DHRSX: variants seen among roughly 807,000 people sequenced by gnomAD.
DHRSX encodes the protein dehydrogenase/reductase X-linked.
DHRSX carries 31 observed loss-of-function variants against 34.0 expected under a neutral mutation model. The ratio of observed to expected loss-of-function variants is 0.91; its 90% CI spans 0.69 to 1.23. The LOEUF is 1.23. Ranked by LOEUF, DHRSX falls within the 50% of genes most tolerant of loss-of-function variation. The probability of loss-of-function intolerance (pLI) is 0.00; values close to 1 mark genes in which losing one functional copy is unlikely to be tolerated. For missense variants in DHRSX, 414 were observed against 428.1 expected, an observed-to-expected ratio of 0.97 and a Z score of 0.29; for synonymous variants, 201 against 183.8, an observed-to-expected ratio of 1.09 and a Z score of -0.76.
At chrX:2,245,614 G>A (rs959358612) in intron 5 of DHRSX, among the ~76,000 whole-genome samples, 2 of 148,414 alleles carry the variant, frequency 1.3e-5, no homozygotes, top group Admixed American at 6.8e-5. Flanking sequence ...CCACCCCAAC[G>A]TAGCTCTTAC....
intron 6 of DHRSX, among the ~76,000 whole-genome samples, chrX:2,231,967 CCTT>C (rs201415311): frequency 0.81 from 120,267 of 148,376 alleles, 49,030 homozygotes; most frequent in East Asian, 0.95. Context: ...TTCTTTCTGC[CCTT>C]CTTTCCTTTT....
At chrX:2,408,889 AGGTTT>A in intron 2 of DHRSX, 76 bp from the exon 3 acceptor site, 2 of 1,103,040 alleles carry the variant, frequency 1.8e-6, no homozygotes, top group Non-Finnish European at 1.3e-6. Flanking sequence ...AAAAAAAAAG[AGGTTT>A]TAAGAGAAGT....
chrX:2,250,571 C>T (rs150545660), intron 5 of DHRSX, among the ~76,000 whole-genome samples: 2 of 152,046 alleles, frequency 1.3e-5, no homozygotes, highest in African/African-American at 4.8e-5. Context: ...TAAACCGTCT[C>T]TTATCAGCTA....
intron 1 of DHRSX, among the ~76,000 whole-genome samples, chrX:2,446,445 G>C (rs181412011): frequency 6.9e-6 from 1 of 145,858 alleles, no homozygotes; most frequent in Non-Finnish European, 1.5e-5. Context: ...GACGACAGCT[G>C]TGTACACACT....
At chrX:2,255,776 A>C (rs867425860) in intron 5 of DHRSX, among the ~76,000 whole-genome samples, 1 of 151,468 alleles carries the variant, frequency 6.6e-6, no homozygotes, top group African/African-American at 2.4e-5. Context: ...TTAGGTGGGC[A>C]TGGTGGCGGT....
intron 3 of DHRSX, among the ~76,000 whole-genome samples, chrX:2,357,158 C>A (rs780042608): frequency 3.7e-4 from 57 of 152,124 alleles, no homozygotes; most frequent in African/African-American, 1.3e-3. Context: ...GCAGGAGAAT[C>A]GCTTGAACCC....
At chrX:2,322,968 G>A (rs1185934948) in intron 3 of DHRSX, among the ~76,000 whole-genome samples, 1 of 151,494 alleles carries the variant, frequency 6.6e-6, no homozygotes, top group East Asian at 2.0e-4. Context: ...CTGTCGCCCA[G>A]GCTGGAGTGC....
intron 3 of DHRSX, among the ~76,000 whole-genome samples, chrX:2,314,595 A>G (rs1162744422): frequency 1.3e-5 from 2 of 151,544 alleles, no homozygotes; most frequent in East Asian, 1.9e-4. Flanking sequence ...ATGGCAAGGA[A>G]ATATATTTTG....
intron 2 of DHRSX, among the ~76,000 whole-genome samples, chrX:2,409,577 C>A (rs2043600701): frequency 6.6e-6 from 1 of 152,122 alleles, no homozygotes; most frequent in Non-Finnish European, 1.5e-5. Flanking sequence ...ATTTCTTACT[C>A]CTCTCACTGC....
At chrX:2,400,265 G>A (rs182826426) in intron 3 of DHRSX, among the ~76,000 whole-genome samples, 140 of 152,298 alleles carry the variant, frequency 9.2e-4, no homozygotes, top group Non-Finnish European at 1.7e-3. Context: ...ACCCAGGGGT[G>A]TGGGGAGAAT....
At chrX:2,327,716 A>ACCTT (rs1159005813) in intron 3 of DHRSX, among the ~76,000 whole-genome samples, 3 of 152,142 alleles carry the variant, frequency 2.0e-5, no homozygotes, top group South Asian at 2.1e-4. Context: ...GATAGTCTTT[A>ACCTT]AAGAGGTGAT....
intron 6 of DHRSX, among the ~76,000 whole-genome samples, chrX:2,239,351 T>C (rs2016086885): frequency 6.7e-6 from 1 of 149,916 alleles, no homozygotes; most frequent in Non-Finnish European, 1.5e-5. Flanking sequence ...AGTGATTGTG[T>C]CATAATTCCA....
intron 3 of DHRSX, among the ~76,000 whole-genome samples, chrX:2,305,126 C>T (rs1274298914): frequency 3.3e-5 from 5 of 151,942 alleles, no homozygotes; most frequent in African/African-American, 1.2e-4. Context: ...ACACTGTACA[C>T]TCTCACTCAT....
intron 5 of DHRSX, among the ~76,000 whole-genome samples, chrX:2,253,385 T>C (rs1409321320): frequency 8.3e-6 from 1 of 120,368 alleles, no homozygotes; most frequent in Non-Finnish European, 2.1e-5. Flanking sequence ...TGAGCCAAGA[T>C]GGCGCCACGG....
chrX:2,389,016 A>G (rs2043304319), intron 3 of DHRSX, among the ~76,000 whole-genome samples: 1 of 152,176 alleles, frequency 6.6e-6, no homozygotes, highest in Non-Finnish European at 1.5e-5. Flanking sequence ...TGTAGCCTCT[A>G]CAGCTGTGAG....
At chrX:2,346,923 GT>G (rs2042725837) in intron 3 of DHRSX, among the ~76,000 whole-genome samples, 1 of 152,018 alleles carries the variant, frequency 6.6e-6, no homozygotes, top group Non-Finnish European at 1.5e-5. Flanking sequence ...CCTTGTGATA[GT>G]TTGCTGAGAA....
chrX:2,444,284 C>G (rs1479914037), intron 1 of DHRSX, among the ~76,000 whole-genome samples: 4 of 152,174 alleles, frequency 2.6e-5, no homozygotes, highest in African/African-American at 9.7e-5. Flanking sequence ...GCACACACCC[C>G]TTAAGATATG....
rs770851095 is a variant in DHRSX at position 2,307,927 on chromosome X, G to A, written c.287-16324C>T. Among the ~76,000 whole-genome samples, 6 of 152,154 alleles carry A rather than the reference G, an allele frequency of 3.9e-5. No homozygotes were observed. The East Asian group carries it at 1.2e-3, about 29-fold the overall frequency. ...GGAGCTCAGTGGCTGCGTTCACCTG[G>A]AACCTAACCCATGTAGGAGCTGCGT... is the stretch of plus-strand genomic sequence containing the variant. On this transcript the variant is annotated intron_variant, in intron 3 of 6. Coordinates refer to ENST00000334651, the MANE Select transcript of DHRSX (RefSeq NM_145177.3).
chrX:2,315,383 G>C lies in DHRSX; in HGVS notation c.287-23780C>G, dbSNP rs1459462970. Among the ~76,000 whole-genome samples, 4 of 152,096 alleles carry C rather than the reference G, an allele frequency of 2.6e-5. No individual in the cohort carries two copies. In the East Asian group the frequency reaches 5.8e-4, roughly 22 times the overall value. The stretch of plus-strand genomic sequence containing the variant: ...GGCCTACATCAGCAGCTTTTTATGA[G>C]ATGAAAAGATTTCCTATCAGGAGAA... On this transcript the variant is annotated intron_variant, in intron 3 of 6. Coordinates refer to ENST00000334651, the MANE Select transcript of DHRSX (RefSeq NM_145177.3).
Sources: gnomAD v4.1 joint callset for allele counts (sites outside exome capture counted in the v4.1 genomes callset) on GRCh38, gnomAD v4.1.1 for gene constraint, MANE v1.5 for transcripts, NCBI Gene and HGNC (gene_info 2026-07-23, HGNC 2026-07-21) for gene names.